Variants in KIF13A observed in about 807,000 individuals in gnomAD.
KIF13A encodes the protein kinesin-like protein KIF13A.
KIF13A carries 79 observed loss-of-function variants against 212.2 expected under a neutral mutation model. The observed-to-expected ratio is 0.37, with a 90% CI of 0.31 to 0.45. The LOEUF is 0.45. KIF13A is among the 20% of genes least tolerant of loss of function. The pLI is 1.00. For synonymous variants in KIF13A, 789 were observed against 808.6 expected (o/e 0.98, Z 0.41); for missense variants, 1,901 against 2,209.0 (o/e 0.86, Z 2.79).
intron 18 of KIF13A, among the ~76,000 whole-genome samples, 181 bp from the exon 19 acceptor site, chr6:17,805,796 T>A (rs1374940597): frequency 6.6e-6 from 1 of 152,194 alleles, no homozygotes; most frequent in Non-Finnish European, 1.5e-5. Flanking sequence ...TGTACACTCA[T>A]GCACACTTTT....
chr6:17,901,166 G>A (rs1180189774), intron 2 of KIF13A, among the ~76,000 whole-genome samples: 1 of 151,358 alleles, frequency 6.6e-6, no homozygotes, highest in Non-Finnish European at 1.5e-5. Flanking sequence ...TCCTGCATGA[G>A]GTGATGGGCT....
chr6:17,875,598 G>A (rs1247352991), intron 3 of KIF13A, among the ~76,000 whole-genome samples: 1 of 151,934 alleles, frequency 6.6e-6, no homozygotes, highest in East Asian at 1.9e-4. Context: ...GGGACTACAG[G>A]CACGCACCAC....
In KIF13A at chr6:17,919,024, G is replaced by A. The variant is rs1377131001; in HGVS notation, c.147-20844C>T. Among the ~76,000 whole-genome samples, 1 of 152,162 alleles carries A rather than the reference G, an allele frequency of 6.6e-6. No individual in the cohort carries two copies. Among genetic ancestry groups the A allele is most frequent in the African/African-American group, 2.4e-5 (1 of 41,438 alleles). The stretch of plus-strand genomic sequence containing the variant: ...TTGTCAGGCACGAAATAGTCACTCA[G>A]TAAGTATCTCTTAAATGAATGGACA... On this transcript the variant is annotated intron_variant, in intron 2 of 38. Transcript: ENST00000259711. This position sits in a 1 kb window ranked among gnomAD's most constrained non-coding sequence, Gnocchi z 4.1.
rs78535354 is a variant in KIF13A, at chr6:17,956,867, C to A, written c.146+30187G>T. Among the ~76,000 whole-genome samples, 795 of 149,628 alleles carry A rather than the reference C, an allele frequency of 5.3e-3. 3 individuals are homozygous for A. Among genetic ancestry groups the A allele is most frequent in the African/African-American group, 0.019 (758 of 40,570 alleles). On this transcript the variant is annotated intron_variant, in intron 2 of 38. Transcript: ENST00000259711. ...CCCACTCAGTCTACTAGTATGAGAT[C>A]ACAACCTTTCTGTTCAATCACATTT...
At chr6:17,795,445 AT>A (rs1761947597) in intron 23 of KIF13A, among the ~76,000 whole-genome samples, 1 of 150,096 alleles carries the variant, frequency 6.7e-6, no homozygotes, top group African/African-American at 2.5e-5. Flanking sequence ...AAAAAAAAAA[AT>A]TATCCGGGCA....
chr6:17,932,650 A>T lies in KIF13A; in HGVS notation c.147-34470T>A, dbSNP rs114234670. ...GGAACTGTCACCTCAACACCCTTGTATTTGCCTTCTCCCCACCCCACCACA... is the reference window on the plus strand; with the variant it reads ...GGAACTGTCACCTCAACACCCTTGTTTTTGCCTTCTCCCCACCCCACCACA... On this transcript the variant is annotated intron_variant, in intron 2 of 38. Transcript: ENST00000259711. Among the ~76,000 whole-genome samples, 1,064 of 152,174 alleles carry T rather than the reference A, an allele frequency of 7.0e-3. 17 individuals carry two copies. Among genetic ancestry groups the T allele is most frequent in the African/African-American group, 0.025 (1,031 of 41,518 alleles).
intron 2 of KIF13A, among the ~76,000 whole-genome samples, chr6:17,904,425 AC>A (rs1773315159): frequency 6.6e-6 from 1 of 152,084 alleles, no homozygotes. Flanking sequence ...CCGAGATTGC[AC>A]CACTGCACTC....
chr6:17,977,447 G>A (rs1780672269), intron 2 of KIF13A, among the ~76,000 whole-genome samples: 1 of 152,208 alleles, frequency 6.6e-6, no homozygotes, highest in Non-Finnish European at 1.5e-5. Context: ...GTTTCATGAA[G>A]ATGCTCTTAT....
chr6:17,844,135 A>G (rs992308097), intron 9 of KIF13A, among the ~76,000 whole-genome samples: 4 of 152,322 alleles, frequency 2.6e-5, no homozygotes, highest in Admixed American at 6.5e-5. Flanking sequence ...GTTCTCCCCA[A>G]TAAGTCCTCA....
At chr6:17,975,427 C>CA (rs1228763513) in intron 2 of KIF13A, among the ~76,000 whole-genome samples, 5 of 152,036 alleles carry the variant, frequency 3.3e-5, no homozygotes, top group Non-Finnish European at 5.9e-5. Context: ...TTGGTGGGTT[C>CA]GTGATCTCGC....
In KIF13A at chr6:17,825,741, C is replaced by A. The variant is rs374264025; in HGVS notation, c.1786+27G>T. Reference sequence around the variant, plus strand: ...GTGTGAGGTGAGGAAATGCCCAAGGCGCTGGAACACAGAGTGAGGGTCTTA... The same window carrying A: ...GTGTGAGGTGAGGAAATGCCCAAGGAGCTGGAACACAGAGTGAGGGTCTTA... On this transcript the variant is annotated intron_variant, in intron 16 of 38. Transcript: ENST00000259711. This position sits in a 1 kb window ranked among gnomAD's most constrained non-coding sequence, Gnocchi z 4.5. 2 of 1,600,228 alleles carry A rather than the reference C, an allele frequency of 1.2e-6. No individual in the cohort carries two copies. The highest frequency in any genetic ancestry group is 1.7e-5 in the Admixed American group (1 of 57,910).
chr6:17,974,105 G>T (rs965521547), intron 2 of KIF13A, among the ~76,000 whole-genome samples: 3 of 151,826 alleles, frequency 2.0e-5, no homozygotes, highest in Non-Finnish European at 4.4e-5. Flanking sequence ...TTTTTGAGAC[G>T]GAGTCTTGCT....
At chr6:17,793,515 T>C (rs1477238417) in intron 25 of KIF13A, among the ~76,000 whole-genome samples, 1 of 152,210 alleles carries the variant, frequency 6.6e-6, no homozygotes, top group Non-Finnish European at 1.5e-5. Flanking sequence ...AAAATGAAGA[T>C]TTAATGAGCA....
chr6:17,922,192 C>T (rs997660318), intron 2 of KIF13A, among the ~76,000 whole-genome samples: 1 of 152,158 alleles, frequency 6.6e-6, no homozygotes, highest in Non-Finnish European at 1.5e-5. Context: ...CTAACAGCCC[C>T]TGCAAAAGTC....
rs541771945 is a variant in KIF13A, at chr6:17,951,620, C to T, written c.146+35434G>A. 1.1e-4 allele frequency among the ~76,000 whole-genome samples: 17 copies of T among 151,622 alleles called. No individual in the cohort carries two copies. The East Asian group carries it at 2.9e-3, about 26-fold the overall frequency. On this transcript the variant is annotated intron_variant, in intron 2 of 38. Coordinates refer to ENST00000259711, the MANE Select transcript of KIF13A (RefSeq NM_022113.6). This position sits in a 1 kb window ranked among gnomAD's most constrained non-coding sequence, Gnocchi z 4.9. ...ATCCATCGGCAGTCACTCTCCATTT[C>T]CCCCAATTCCCCCAAGCCTAGGCAA... is the stretch of plus-strand genomic sequence containing the variant.
intron 2 of KIF13A, 88 bp downstream of exon 2, chr6:17,986,966 G>A: frequency 1.1e-6 from 1 of 939,908 alleles, no homozygotes; most frequent in Non-Finnish European, 1.7e-6. Context: ...CCTAACAATA[G>A]GAAAGAGCAC....
At chr6:17,976,534 G>A (rs1237794653) in intron 2 of KIF13A, among the ~76,000 whole-genome samples, 1 of 152,136 alleles carries the variant, frequency 6.6e-6, no homozygotes, top group African/African-American at 2.4e-5. Flanking sequence ...GCCCGCAAGC[G>A]CGGCGCGCAG....
intron 2 of KIF13A, among the ~76,000 whole-genome samples, chr6:17,922,323 T>C (rs1775143512): frequency 1.3e-5 from 2 of 152,074 alleles, no homozygotes; most frequent in Non-Finnish European, 2.9e-5. Flanking sequence ...CAAGGTGACT[T>C]GAGGAGTTTG....
chr6:17,910,267 T>C (rs1469293476), intron 2 of KIF13A, among the ~76,000 whole-genome samples: 15 of 152,234 alleles, frequency 9.9e-5, no homozygotes, highest in South Asian at 4.1e-4. Flanking sequence ...CTAGAGAACA[T>C]AGAAGTACTG....
Sources: gnomAD v4.1 joint callset for allele counts (sites outside exome capture counted in the v4.1 genomes callset) on GRCh38, gnomAD v4.1.1 for gene constraint, Gnocchi (gnomAD v3.1) non-coding constraint, MANE v1.5 for transcripts, NCBI Gene and HGNC (gene_info 2026-07-23, HGNC 2026-07-21) for gene names.